The following GRAMD2A variants were observed in gnomAD, a reference collection of about 807,000 sequenced individuals.
GRAMD2A encodes GRAM domain containing 2A, also known as GRAM domain-containing protein 2A.
Under a neutral mutation model 51.1 loss-of-function variants are expected in GRAMD2A, and 37 were observed. The ratio of observed to expected loss-of-function variants is 0.72; its 90% CI spans 0.56 to 0.95. The LOEUF is 0.95. Ranked by LOEUF, GRAMD2A falls within the 40% of genes least tolerant of loss-of-function variation. The probability of loss-of-function intolerance (pLI) is 0.00; values close to 1 mark genes in which losing one functional copy is unlikely to be tolerated. For synonymous variants in GRAMD2A, 136 were observed against 157.1 expected, an observed-to-expected ratio of 0.87 and a Z score of 1.01; for missense variants, 414 against 426.9, an observed-to-expected ratio of 0.97 and a Z score of 0.27.
intron 1 of GRAMD2A, among the ~76,000 whole-genome samples, chr15:72,196,948 C>G (rs1445780575): frequency 6.6e-6 from 1 of 152,164 alleles, no homozygotes; most frequent in East Asian, 1.9e-4. Flanking sequence ...AGGCTGTACC[C>G]GACCTTAGGC....
chr15:72,163,521 G>C (rs749728138), intron 9 of GRAMD2A, 45 bp from the exon 10 acceptor site: 1 of 1,600,366 alleles, frequency 6.2e-7, no homozygotes, highest in Admixed American at 1.7e-5. Context: ...CAGAAGCCCT[G>C]CTGGCTGTGG....
intron 9 of GRAMD2A, 25 bp downstream of exon 9, chr15:72,163,588 C>T: frequency 6.3e-7 from 1 of 1,590,544 alleles, no homozygotes; most frequent in Non-Finnish European, 8.5e-7. Context: ...AAGTAGTTGC[C>T]ATGGACAAGC....
chr15:72,161,841 C>A lies in GRAMD2A; in HGVS notation c.*168G>T. 1 of 727,150 alleles carries A rather than the reference C, an allele frequency of 1.4e-6. No individual in the cohort carries two copies. Among genetic ancestry groups the A allele is most frequent in the Non-Finnish European group, 2.4e-6 (1 of 412,340 alleles). The allele number at this position is 727,150 out of a possible 1,614,324, so 45.0% of individuals were successfully genotyped here. On this transcript the variant is annotated 3_prime_UTR_variant, in exon 12 of 12. Transcript: ENST00000309731. ...CTTTGTAAACACGTACTTCAGATCT[C>A]TCATAGAGGGAAGAGAAGAGCTGCG...
At chr15:72,192,588 G>A (rs1371652615) in intron 1 of GRAMD2A, among the ~76,000 whole-genome samples, 1 of 152,192 alleles carries the variant, frequency 6.6e-6, no homozygotes, top group Non-Finnish European at 1.5e-5. Context: ...CCACGCTGCT[G>A]TGCGGTGGGT....
chr15:72,183,404 A>G (rs1418488568), intron 1 of GRAMD2A, among the ~76,000 whole-genome samples: 5 of 152,016 alleles, frequency 3.3e-5, no homozygotes, highest in Admixed American at 6.5e-5. Flanking sequence ...CGTCCCAGCT[A>G]CTCAGGAAGC....
rs74025234 is a variant in GRAMD2A, at chr15:72,195,971, G to A, written c.41+1760C>T. Among the ~76,000 whole-genome samples the A allele has an allele frequency of 3.9e-3, 601 of 152,246 alleles. 1 individual carries two copies. The highest frequency in any genetic ancestry group is 0.013 in the African/African-American group (561 of 41,560). The stretch of plus-strand genomic sequence containing the variant: ...CAGCCAGCAACATCAAGGCACAGAT[G>A]GAGCTTGAGCTACCCTCTTCAGGCT... On this transcript the variant is annotated intron_variant, in intron 1 of 11. Coordinates refer to ENST00000309731, the MANE Select transcript of GRAMD2A (RefSeq NM_001012642.3).
intron 1 of GRAMD2A, among the ~76,000 whole-genome samples, chr15:72,197,185 C>A (rs1333067794): frequency 6.6e-6 from 1 of 152,152 alleles, no homozygotes; most frequent in African/African-American, 2.4e-5. Flanking sequence ...ATGGGCCTGG[C>A]GCCCGGGGGA....
chr15:72,170,092 G>A lies in GRAMD2A; in HGVS notation c.42-153C>T. On this transcript the variant is annotated intron_variant, in intron 1 of 11. Coordinates refer to ENST00000309731, the MANE Select transcript of GRAMD2A (RefSeq NM_001012642.3). This position sits in a 1 kb window ranked among gnomAD's most constrained non-coding sequence, Gnocchi z 4.5. The stretch of plus-strand genomic sequence containing the variant: ...CTGAAAATGTCACAGTTCAGAGGCA[G>A]CAGCGCAGGCAGAGGTTCTGGGATG... The A allele has an allele frequency of 1.4e-6, 1 of 721,240 alleles. No homozygotes were observed. The highest frequency in any genetic ancestry group is 1.4e-5 in the South Asian group (1 of 69,558). 44.7% of individuals were successfully genotyped at this position (721,240 alleles called of 1,614,324 possible).
chr15:72,174,565 G>C (rs2081638023), intron 1 of GRAMD2A, among the ~76,000 whole-genome samples: 1 of 152,258 alleles, frequency 6.6e-6, no homozygotes, highest in Non-Finnish European at 1.5e-5. Context: ...GAGTGGCAGT[G>C]TTTTGACATT....
intron 1 of GRAMD2A, among the ~76,000 whole-genome samples, chr15:72,172,000 A>G (rs777192831): frequency 2.0e-5 from 3 of 150,282 alleles, no homozygotes; most frequent in Non-Finnish European, 4.4e-5. Flanking sequence ...TAATTTTTGT[A>G]TTTTTTAGTA....
chr15:72,182,818 T>C (rs1244749587), intron 1 of GRAMD2A, among the ~76,000 whole-genome samples: 1 of 152,186 alleles, frequency 6.6e-6, no homozygotes, highest in Non-Finnish European at 1.5e-5. Context: ...TGTTGTTCTT[T>C]GGGTATAGAG....
At position 72,167,838 on chromosome 15, in the gene GRAMD2A, C is replaced by T. The variant is rs2081565158; in HGVS notation, c.270G>A (p.Val90=). 2 of 1,610,464 alleles carry T rather than the reference C, an allele frequency of 1.2e-6. No individual in the cohort carries two copies. The highest frequency in any genetic ancestry group is 1.1e-5 in the South Asian group (1 of 91,006). The change falls in exon 5 of 12, where the codon GTG becomes GTA. Residue 90 remains valine, a splice_region_variant and synonymous_variant. Transcript: ENST00000309731. The stretch of plus-strand genomic sequence containing the variant: ...AGTCCCTCTGGAGGGCACAGGAACA[C>T]ACTAGGATGTCACAGGAGAGAAAAT... ...DVPLEEVVLK[V]CSCALQRDFL...
intron 11 of GRAMD2A, 42 bp from the exon 12 acceptor site, chr15:72,162,054 A>G: frequency 6.2e-7 from 1 of 1,613,636 alleles, no homozygotes; most frequent in Non-Finnish European, 8.5e-7. Flanking sequence ...AAGGGCCCAG[A>G]ATGCAGACGG....
chr15:72,167,255 C>T (rs2081557349), intron 5 of GRAMD2A, among the ~76,000 whole-genome samples, 163 bp from the exon 6 acceptor site: 1 of 152,192 alleles, frequency 6.6e-6, no homozygotes, highest in South Asian at 2.1e-4. Flanking sequence ...CCAGGCTCCC[C>T]TTCCAGTTGT....
chr15:72,162,974 G>A (rs1394681259), intron 10 of GRAMD2A: 6 of 353,656 alleles, frequency 1.7e-5, no homozygotes, highest in Middle Eastern at 7.8e-4. Flanking sequence ...CAATTTTCCT[G>A]GCCCTCCTTC....
At chr15:72,176,399 C>T (rs1361288485) in intron 1 of GRAMD2A, 1 of 152,300 alleles carries the variant, frequency 6.6e-6, no homozygotes, top group African/African-American at 2.4e-5. Context: ...AGGAGGTGAC[C>T]GCACTCTCCC....
intron 1 of GRAMD2A, chr15:72,175,883 C>G (rs2959899): frequency 1 from 152,476 of 152,680 alleles, 76,137 homozygotes; most frequent in Non-Finnish European, 1. Flanking sequence ...AAGGGAGAAG[C>G]AGAGGAAAAA....
chr15:72,192,823 C>T (rs1427160754), intron 1 of GRAMD2A, among the ~76,000 whole-genome samples: 3 of 152,180 alleles, frequency 2.0e-5, no homozygotes, highest in Non-Finnish European at 4.4e-5. Flanking sequence ...TATGACAAGG[C>T]TTTAAAGATT....
In GRAMD2A at chr15:72,167,622, G is replaced by C. The variant is rs540874727; in HGVS notation, c.372+114C>G. The C allele has an allele frequency of 2.5e-4, 203 of 813,548 alleles. 4 individuals carry two copies. The highest frequency in any genetic ancestry group is 2.1e-3 in the South Asian group (149 of 69,488). 50.4% of individuals were successfully genotyped at this position (813,548 alleles called of 1,614,324 possible). On this transcript the variant is annotated intron_variant, in intron 5 of 11. Transcript: ENST00000309731. ...AAGCTGCGCATCCAACCAGCAAGGG[G>C]CTTCACCCGGGGCCCAGCACGCAGA...
Sources: allele counts gnomAD v4.1 joint callset (sites outside exome capture counted in the v4.1 genomes callset), GRCh38; gene constraint gnomAD v4.1.1; non-coding constraint Gnocchi (gnomAD v3.1); transcripts MANE v1.5; gene names NCBI Gene and HGNC (gene_info 2026-07-23, HGNC 2026-07-21).